Variants in SYT16 observed in about 807,000 individuals in gnomAD.
SYT16 encodes the protein synaptotagmin-16.
Under a neutral mutation model 61.4 loss-of-function variants are expected in SYT16, and 42 were observed. That is an observed-to-expected ratio of 0.68 (90% confidence interval 0.53 to 0.89). SYT16 has a LOEUF of 0.89. Among genes scored for constraint, SYT16 ranks in the 40% least tolerant of loss-of-function variants. SYT16 has a pLI of 0.00. For missense variants in SYT16, 804 were observed against 807.3 expected, an observed-to-expected ratio of 1.00 and a Z score of 0.05; for synonymous variants, 314 against 302.3, an observed-to-expected ratio of 1.04 and a Z score of -0.40.
In SYT16 at chr14:62,048,156, C is replaced by A. The variant is rs183193768; in HGVS notation, c.524-21447C>A. 2.6e-5 allele frequency among the ~76,000 whole-genome samples: 4 copies of A among 152,278 alleles called. No individual in the cohort carries two copies. In the East Asian group the frequency reaches 7.7e-4, roughly 29 times the overall value. ...TTAATTATTGCCTCAATTTCAGAAT[C>A]TGTTATTGGTCCATTCAGGGATTCA... On this transcript the variant is annotated intron_variant, in intron 3 of 7. Transcript: ENST00000683842.
chr14:62,066,727 T>C (rs934128755), intron 3 of SYT16, among the ~76,000 whole-genome samples: 1 of 152,226 alleles, frequency 6.6e-6, no homozygotes, highest in East Asian at 1.9e-4. Context: ...TTATTTATGG[T>C]TTCCAATTCA....
At chr14:62,005,167 G>A (rs1221318664) in intron 3 of SYT16, among the ~76,000 whole-genome samples, 1 of 152,196 alleles carries the variant, frequency 6.6e-6, no homozygotes, top group Non-Finnish European at 1.5e-5. Flanking sequence ...TGTCATGGGT[G>A]AAGATGAGGA....
intron 1 of SYT16, among the ~76,000 whole-genome samples, chr14:61,845,688 C>T (rs573425229): frequency 1.6e-4 from 25 of 152,022 alleles, no homozygotes; most frequent in South Asian, 1.0e-3. Context: ...AATTTATTTC[C>T]GTTCTGATCT....
chr14:61,882,443 T>C (rs987328255), intron 1 of SYT16, among the ~76,000 whole-genome samples: 4 of 152,138 alleles, frequency 2.6e-5, no homozygotes, highest in Non-Finnish European at 4.4e-5. Context: ...TCAGATCTGG[T>C]GAGACTCATT....
chr14:61,875,477 A>C lies in SYT16; in HGVS notation c.-325+62667A>C, dbSNP rs113546942. ...AACTTCAAGGATATTATTGGTTTTC[A>C]TGTGGTTAAAACATTAAAATTTTTT... On this transcript the variant is annotated intron_variant, in intron 1 of 7. Coordinates refer to ENST00000683842, the MANE Select transcript of SYT16 (RefSeq NM_001367656.1). 1.6e-3 allele frequency among the ~76,000 whole-genome samples: 241 copies of C among 152,362 alleles called. 4 individuals carry two copies. The highest frequency in any genetic ancestry group is 5.5e-3 in the African/African-American group (228 of 41,592).
At chr14:62,048,127 GCT>G in intron 3 of SYT16, among the ~76,000 whole-genome samples, 1 of 152,164 alleles carries the variant, frequency 6.6e-6, no homozygotes, top group East Asian at 1.9e-4. Flanking sequence ...TGGTTGGTAA[GCT>G]ATTAATTATT....
intron 1 of SYT16, among the ~76,000 whole-genome samples, chr14:61,874,808 A>G (rs992822514): frequency 1.3e-5 from 2 of 151,288 alleles, no homozygotes; most frequent in African/African-American, 4.9e-5. Flanking sequence ...CACTTTGCAC[A>G]TAAGAAATTT....
rs1302298341 is a variant in SYT16, at chr14:62,102,660, A to G, written c.*1953A>G. On this transcript the variant is annotated 3_prime_UTR_variant, in exon 8 of 8. Transcript: ENST00000683842. Reference sequence around the variant, plus strand: ...TGCCTTGTGTTTAAAGGGAAGTAGAACAGCCTCGCTATGCTTTCCTTTATG... The same window carrying G: ...TGCCTTGTGTTTAAAGGGAAGTAGAGCAGCCTCGCTATGCTTTCCTTTATG... 2 of 152,222 alleles carry G rather than the reference A, an allele frequency of 1.3e-5. No homozygotes were observed. Among genetic ancestry groups the G allele is most frequent in the Non-Finnish European group, 2.9e-5 (2 of 68,038 alleles). The allele number at this position is 152,222 out of a possible 1,614,324, so 9.4% of individuals were successfully genotyped here.
chr14:62,102,674 C>CT lies in SYT16; in HGVS notation c.*1970dup, dbSNP rs1425999121. ...AGGGAAGTAGAACAGCCTCGCTATG[C>CT]TTTCCTTTATGCAGTAACATAATAG... On this transcript the variant is annotated 3_prime_UTR_variant, in exon 8 of 8. Transcript: ENST00000683842. 1 of 152,168 alleles carries CT rather than the reference C, an allele frequency of 6.6e-6. No individual in the cohort carries two copies. Among genetic ancestry groups the CT allele is most frequent in the Non-Finnish European group, 1.5e-5 (1 of 68,028 alleles). The allele number at this position is 152,168 out of a possible 1,614,324, so 9.4% of individuals were successfully genotyped here. A position where few individuals can be genotyped will look rare whatever the true frequency, so the allele number is the denominator to read the frequency against.
intron 3 of SYT16, among the ~76,000 whole-genome samples, chr14:62,009,765 G>A (rs547199187): frequency 6.6e-6 from 1 of 152,304 alleles, no homozygotes; most frequent in South Asian, 2.1e-4. Context: ...GTTCTCGTCT[G>A]TAACTTCTTT....
At chr14:61,975,442 G>A (rs975523151) in intron 2 of SYT16, among the ~76,000 whole-genome samples, 1 of 152,180 alleles carries the variant, frequency 6.6e-6, no homozygotes, top group Non-Finnish European at 1.5e-5. Context: ...AATAAAAAAG[G>A]TTTAATTGAC....
intron 1 of SYT16, among the ~76,000 whole-genome samples, chr14:61,880,167 C>T (rs1291193823): frequency 5.9e-5 from 9 of 152,190 alleles, no homozygotes; most frequent in African/African-American, 1.9e-4. Context: ...CTCATTTGCC[C>T]AGTTCAATGA....
intron 1 of SYT16, among the ~76,000 whole-genome samples, chr14:61,931,761 T>A (rs1346261487): frequency 3.9e-5 from 6 of 152,188 alleles, no homozygotes; most frequent in East Asian, 3.8e-4. Context: ...AATTTTTTTT[T>A]AAATTATACT....
At position 62,100,614 on chromosome 14, in the gene SYT16, C is replaced by T; in HGVS notation, c.1845C>T (p.Asn615=). The T allele has an allele frequency of 6.2e-7, 1 of 1,613,796 alleles. No homozygotes were observed. The highest frequency in any genetic ancestry group is 8.5e-7 in the Non-Finnish European group (1 of 1,179,804). ...TTGGCTGGATTGCCCTGGGCCAGAA[C>T]AGCAGTGGAGAGGAGGAACAAGATC... ...EMIGWIALGQ[N]SSGEEEQDHW... Residue 615 remains asparagine (N), a synonymous_variant, in exon 8 of 8, where the codon AAC becomes AAT. Coordinates refer to ENST00000683842, the MANE Select transcript of SYT16 (RefSeq NM_001367656.1).
chr14:61,971,933 G>A (rs1036212330), intron 2 of SYT16, among the ~76,000 whole-genome samples: 1 of 152,228 alleles, frequency 6.6e-6, no homozygotes, highest in African/African-American at 2.4e-5. Context: ...ACGAACAGAT[G>A]TCTGTTTGGC....
At chr14:61,880,721 A>G (rs894833303) in intron 1 of SYT16, among the ~76,000 whole-genome samples, 2 of 151,944 alleles carry the variant, frequency 1.3e-5, no homozygotes, top group South Asian at 4.2e-4. Flanking sequence ...TTTTGTTTCT[A>G]TTGTAAATAG....
At chr14:62,075,624 A>G (rs1458962028) in intron 5 of SYT16, among the ~76,000 whole-genome samples, 2 of 150,606 alleles carry the variant, frequency 1.3e-5, no homozygotes, top group Admixed American at 1.3e-4. Flanking sequence ...AAAAAAGAAA[A>G]AAAGAAAAAA....
chr14:61,893,196 T>A (rs1033966646), intron 1 of SYT16, among the ~76,000 whole-genome samples: 5 of 152,178 alleles, frequency 3.3e-5, no homozygotes, highest in Non-Finnish European at 7.3e-5. Context: ...GTGAATGTGG[T>A]TTGGGGAGCA....
chr14:62,066,949 G>A (rs1194227067), intron 3 of SYT16, among the ~76,000 whole-genome samples: 1 of 152,188 alleles, frequency 6.6e-6, no homozygotes, highest in Non-Finnish European at 1.5e-5. Flanking sequence ...CATGCAGGGA[G>A]CTCTTAACCT....
Sources: gnomAD v4.1 joint callset for allele counts (sites outside exome capture counted in the v4.1 genomes callset) on GRCh38, gnomAD v4.1.1 for gene constraint, MANE v1.5 for transcripts, NCBI Gene and HGNC (gene_info 2026-07-23, HGNC 2026-07-21) for gene names.